Variants in RGS7BP observed in about 807,000 individuals in gnomAD.
The protein encoded by RGS7BP is regulator of G protein signaling 7-binding protein.
In RGS7BP, 9 loss-of-function variants were observed where a neutral mutation model predicts 31.3. The observed-to-expected ratio is 0.29, with a 90% CI of 0.17 to 0.50. RGS7BP has a LOEUF of 0.50. RGS7BP is among the 20% of genes least tolerant of loss of function. RGS7BP has a pLI of 0.98. For missense variants in RGS7BP, 274 were observed against 322.0 expected (o/e 0.85, Z 1.14); for synonymous variants, 115 against 120.1 (o/e 0.96, Z 0.28).
At chr5:64,594,617 C>T (rs1228133738) in intron 3 of RGS7BP, 93 bp from the exon 4 acceptor site, 1 of 1,232,236 alleles carries the variant, frequency 8.1e-7, no homozygotes, top group Non-Finnish European at 1.2e-6. Flanking sequence ...TGACTCAAAG[C>T]ATAGCCAACC....
chr5:64,509,492 G>A (rs1001311883), intron 2 of RGS7BP, among the ~76,000 whole-genome samples: 3 of 152,132 alleles, frequency 2.0e-5, no homozygotes, highest in African/African-American at 7.2e-5. Context: ...GTCTTCTGAA[G>A]GTTCAGGAAA....
chr5:64,516,109 A>C (rs1475320332), intron 2 of RGS7BP, among the ~76,000 whole-genome samples: 1 of 152,192 alleles, frequency 6.6e-6, no homozygotes, highest in Non-Finnish European at 1.5e-5. Flanking sequence ...CGACCGAAAT[A>C]AATGTTTTCA....
intron 2 of RGS7BP, among the ~76,000 whole-genome samples, chr5:64,574,780 A>G (rs1260195093): frequency 6.6e-6 from 1 of 152,202 alleles, no homozygotes; most frequent in Middle Eastern, 3.2e-3. Flanking sequence ...TTACCTCCTG[A>G]TATATTGCCA....
intron 2 of RGS7BP, among the ~76,000 whole-genome samples, chr5:64,571,323 C>A (rs1175158587): frequency 6.6e-6 from 1 of 152,122 alleles, no homozygotes. Context: ...CCATTTTTCT[C>A]TTGACAGACA....
At position 64,507,809 on chromosome 5, in the gene RGS7BP, G is replaced by T; in HGVS notation, c.264G>T (p.Met88Ile). 6.2e-7 allele frequency: 1 copy of T among 1,613,962 alleles called. No individual in the cohort carries two copies. Among genetic ancestry groups the T allele is most frequent in the Non-Finnish European group, 8.5e-7 (1 of 1,179,964 alleles). ...GCTGCCCCTCACTCCGGGCGGAAAT[G>T]CACAAGACAAGAACCAAAGGCTGTG... Reference protein sequence around the residue: ...SVSCPSLRAEMHKTRTKGCEM... With the variant: ...SVSCPSLRAEIHKTRTKGCEM... Residue 88 changes from methionine to isoleucine, a missense_variant, in exon 2 of 6, where the codon ATG becomes ATT. Coordinates refer to ENST00000334025, the MANE Select transcript of RGS7BP (RefSeq NM_001029875.3).
At chr5:64,593,873 C>A (rs76488526) in intron 3 of RGS7BP, among the ~76,000 whole-genome samples, 8,904 of 152,134 alleles carry the variant, frequency 0.059, 893 homozygotes, top group African/African-American at 0.2. Flanking sequence ...TAGGATACCC[C>A]CCTATGGATG....
chr5:64,570,466 A>G (rs1020368819), intron 2 of RGS7BP, among the ~76,000 whole-genome samples: 2 of 152,132 alleles, frequency 1.3e-5, no homozygotes, highest in African/African-American at 4.8e-5. Context: ...TCCTTTCATT[A>G]TGTCTCACTC....
intron 5 of RGS7BP, among the ~76,000 whole-genome samples, chr5:64,599,030 C>A (rs964315040): frequency 1.3e-5 from 2 of 152,110 alleles, no homozygotes; most frequent in African/African-American, 2.4e-5. Context: ...GGAGTATATG[C>A]CCTAATGCAC....
At chr5:64,592,099 C>T (rs989882732) in intron 3 of RGS7BP, among the ~76,000 whole-genome samples, 4 of 152,072 alleles carry the variant, frequency 2.6e-5, no homozygotes, top group African/African-American at 4.8e-5. Context: ...TCGGTACTAT[C>T]GGTAAATGAG....
intron 3 of RGS7BP, among the ~76,000 whole-genome samples, chr5:64,584,540 T>C (rs1187713860): frequency 2.0e-5 from 3 of 152,198 alleles, no homozygotes; most frequent in Non-Finnish European, 4.4e-5. Context: ...AAGGGAGCAC[T>C]CAGAGCCCCA....
intron 2 of RGS7BP, among the ~76,000 whole-genome samples, chr5:64,528,959 C>CTAT (rs1405328396): frequency 6.6e-6 from 1 of 151,748 alleles, no homozygotes; most frequent in Non-Finnish European, 1.5e-5. Context: ...TACAGGCCAG[C>CTAT]TATTATTATT....
At chr5:64,520,781 G>A (rs1749088603) in intron 2 of RGS7BP, among the ~76,000 whole-genome samples, 2 of 152,198 alleles carry the variant, frequency 1.3e-5, no homozygotes, top group Admixed American at 6.5e-5. Context: ...GGACCCCAAT[G>A]AGCACAGGGG....
At chr5:64,579,209 A>G (rs1742517369) in intron 3 of RGS7BP, among the ~76,000 whole-genome samples, 1 of 152,150 alleles carries the variant, frequency 6.6e-6, no homozygotes, top group East Asian at 1.9e-4. Context: ...AGAAATTCTC[A>G]ATTAAGTTAG....
In RGS7BP at chr5:64,506,733, G is replaced by C; in HGVS notation, c.109G>C (p.Gly37Arg). 6.2e-7 allele frequency: 1 copy of C among 1,607,462 alleles called. No individual in the cohort carries two copies. Among genetic ancestry groups the C allele is most frequent in the Non-Finnish European group, 8.5e-7 (1 of 1,174,560 alleles). Reference sequence around the variant, plus strand: ...GCAGAGCGGAGATTGGGAGCGCAGGGGCAGCGGCTCCGAGAGCGCCCACAA... The same window carrying C: ...GCAGAGCGGAGATTGGGAGCGCAGGCGCAGCGGCTCCGAGAGCGCCCACAA... ...PLQSGDWERR[G>R]SGSESAHKTQ... Residue 37 changes from glycine to arginine, a missense_variant, in exon 1 of 6, where the codon GGC (glycine) becomes CGC (arginine). Physicochemically the swap from Gly to Arg is moderately radical, Grantham distance 125 (BLOSUM62 -2). Transcript: ENST00000334025. This position sits in a 1 kb window ranked among gnomAD's most constrained non-coding sequence, Gnocchi z 4.6.
At chr5:64,574,507 T>C (rs1300113161) in intron 2 of RGS7BP, among the ~76,000 whole-genome samples, 2 of 152,168 alleles carry the variant, frequency 1.3e-5, no homozygotes, top group East Asian at 1.9e-4. Context: ...AATTTTCAGA[T>C]AGAGCCAAAT....
chr5:64,581,356 T>C (rs971866748), intron 3 of RGS7BP, among the ~76,000 whole-genome samples: 7 of 152,250 alleles, frequency 4.6e-5, no homozygotes, highest in African/African-American at 1.2e-4. Context: ...GGATTGCAAC[T>C]GAGTCACTAA....
At chr5:64,521,065 C>G (rs1173832607) in intron 2 of RGS7BP, among the ~76,000 whole-genome samples, 2 of 152,150 alleles carry the variant, frequency 1.3e-5, no homozygotes, top group African/African-American at 2.4e-5. Context: ...TAAATTGCCT[C>G]CCTCATGAGA....
At chr5:64,557,656 C>T (rs1485054726) in intron 2 of RGS7BP, among the ~76,000 whole-genome samples, 2 of 152,140 alleles carry the variant, frequency 1.3e-5, no homozygotes, top group Non-Finnish European at 2.9e-5. Context: ...TTCCCAGTTG[C>T]TTTTAAATGA....
At chr5:64,609,021 G>T in intron 5 of RGS7BP, 140 bp from the exon 6 acceptor site, 3 of 654,222 alleles carry the variant, frequency 4.6e-6, no homozygotes, top group Non-Finnish European at 8.4e-6. Flanking sequence ...CCACAACCAA[G>T]AATCATCTGG....
Sources: gnomAD v4.1 joint callset for allele counts (sites outside exome capture counted in the v4.1 genomes callset) on GRCh38, gnomAD v4.1.1 for gene constraint, Gnocchi (gnomAD v3.1) non-coding constraint, MANE v1.5 for transcripts, NCBI Gene and HGNC (gene_info 2026-07-23, HGNC 2026-07-21) for gene names.